Variants in OAS2 observed in about 807,000 individuals in gnomAD.
OAS2 encodes 2'-5'-oligoadenylate synthase 2.
Under a neutral mutation model 71.3 loss-of-function variants are expected in OAS2, and 67 were observed. The ratio of observed to expected loss-of-function variants is 0.94; its 90% confidence interval spans 0.77 to 1.15. OAS2 has a LOEUF of 1.15. Ranked by LOEUF, OAS2 falls within the 50% of genes most tolerant of loss-of-function variation. OAS2 has a pLI of 0.00. For missense variants in OAS2, 789 were observed against 822.5 expected, an observed-to-expected ratio of 0.96 and a Z score of 0.50; for synonymous variants, 327 against 321.8, an observed-to-expected ratio of 1.02 and a Z score of -0.17.
intron 7 of OAS2, among the ~76,000 whole-genome samples, chr12:113,005,537 A>C (rs1179078370): frequency 1.3e-5 from 2 of 151,114 alleles, no homozygotes; most frequent in Non-Finnish European, 2.9e-5. Context: ...ACAGAGTGAG[A>C]CTCCGTCTGA....
rs1565996467 is a variant in OAS2, at chr12:113,003,066, C to G, written c.1143C>G (p.Cys381Trp). 6.2e-7 allele frequency: 1 copy of G among 1,614,164 alleles called. No homozygotes were observed. Among genetic ancestry groups the G allele is most frequent in the Admixed American group, 1.7e-5 (1 of 60,018 alleles). ...NIIRTFLKEN[C>W]FRQSTAKIQI... Reference sequence around the variant, plus strand: ...TCCGTACATTCCTTAAAGAAAACTGCTTCCGACAATCAACAGCCAAGATCC... The same window carrying G: ...TCCGTACATTCCTTAAAGAAAACTGGTTCCGACAATCAACAGCCAAGATCC... The change falls in exon 6 of 10, where the codon TGC (cysteine) becomes TGG (tryptophan). Residue 381 changes from cysteine (C) to tryptophan (W), a missense_variant. By Grantham distance (215) the Cys-to-Trp change is radical. Coordinates refer to ENST00000392583, the MANE Select transcript of OAS2 (RefSeq NM_002535.3).
intron 2 of OAS2, among the ~76,000 whole-genome samples, chr12:112,993,939 CTATT>C (rs2044212961): frequency 7.7e-6 from 1 of 130,310 alleles, no homozygotes; most frequent in Non-Finnish European, 1.6e-5. Flanking sequence ...GTTTTTGTTT[CTATT>C]TGTTTGGTTG....
chr12:112,989,404 T>C (rs1035673765), intron 2 of OAS2, among the ~76,000 whole-genome samples: 6 of 152,178 alleles, frequency 3.9e-5, no homozygotes, highest in African/African-American at 1.2e-4. Context: ...CAATACATTT[T>C]AGGGAGACAT....
At position 113,009,490 on chromosome 12, in the gene OAS2, A is replaced by G. The variant is rs984038671; in HGVS notation, c.*235A>G. 4.9e-6 allele frequency: 6 copies of G among 1,225,952 alleles called. No homozygotes were observed. The highest frequency in any genetic ancestry group is 1.6e-5 in the African/African-American group (1 of 64,190). 75.9% of individuals were successfully genotyped at this position (1,225,952 alleles called of 1,614,324 possible). A position where few individuals can be genotyped will look rare whatever the true frequency, so the allele number is the denominator to read the frequency against. On this transcript the variant is annotated 3_prime_UTR_variant, in exon 10 of 10. Transcript: ENST00000392583. ...TAGTCTCTACCCAGTAGATGCCACT[A>G]GCCCTCCTCTCCCAGTGACAACCAA...
rs1380570287 is a variant in OAS2 at position 113,007,829 on chromosome 12, C to T, written c.1781C>T (p.Thr594Ile). Residue 594 changes from threonine (T) to isoleucine (I), a missense_variant, in exon 9 of 10, where the codon ACA (threonine) becomes ATA (isoleucine). By Grantham distance (89) the Thr-to-Ile change is moderately conservative (BLOSUM62 -1). Coordinates refer to ENST00000392583, the MANE Select transcript of OAS2 (RefSeq NM_002535.3). Reference sequence around the variant, plus strand: ...TTTGACACTGCAGAAGGTTTCCGGACAGTCCTGGAGCTGGTCACACAATAT... The same window carrying T: ...TTTGACACTGCAGAAGGTTTCCGGATAGTCCTGGAGCTGGTCACACAATAT... ...PDFDTAEGFRTVLELVTQYQQ... is the reference protein window; with the variant it reads ...PDFDTAEGFRIVLELVTQYQQ... 1 of 1,614,184 alleles carries T rather than the reference C, an allele frequency of 6.2e-7. No individual in the cohort carries two copies.
In OAS2 at chr12:112,978,600, C is replaced by T. The variant is rs754769030; in HGVS notation, c.-9C>T. On this transcript the variant is annotated 5_prime_UTR_variant, in exon 1 of 10. Transcript: ENST00000392583. The surrounding 1 kb of genome is among the most constrained non-coding windows in gnomAD (Gnocchi z 4.2). ...CATTCACTGTCTTGCCGGCAGCCAG[C>T]TGAGAGCAATGGGAAATGGGGAGTC... is the stretch of plus-strand genomic sequence containing the variant. 9 of 1,613,706 alleles carry T rather than the reference C, an allele frequency of 5.6e-6. No individual in the cohort carries two copies. The African/African-American group carries it at 1.2e-4, about 22-fold the overall frequency.
intron 1 of OAS2, among the ~76,000 whole-genome samples, chr12:112,983,193 C>T (rs1404447221): frequency 6.6e-6 from 1 of 151,840 alleles, no homozygotes; most frequent in Non-Finnish European, 1.5e-5. Flanking sequence ...TTATTTCTTT[C>T]CTTCTACTAA....
In OAS2 at chr12:112,995,272, G is replaced by T. The variant is rs369223300; in HGVS notation, c.449-24G>T. The T allele has an allele frequency of 5.7e-6, 9 of 1,586,566 alleles. No homozygotes were observed. In the South Asian group the frequency reaches 8.0e-5, roughly 14 times the overall value. On this transcript the variant is annotated intron_variant, in intron 2 of 9. Coordinates refer to ENST00000392583, the MANE Select transcript of OAS2 (RefSeq NM_002535.3). ...AAAACCAGGTTACATAAATAACAAC[G>T]TTCCAATTTCTGTTTCACATCAGGC... is the stretch of plus-strand genomic sequence containing the variant.
chr12:112,979,318 A>T (rs1272661923), intron 1 of OAS2, among the ~76,000 whole-genome samples: 3 of 152,026 alleles, frequency 2.0e-5, no homozygotes, highest in African/African-American at 7.3e-5. Context: ...GGGACTGGGG[A>T]GATGCCAGGA....
intron 1 of OAS2, among the ~76,000 whole-genome samples, chr12:112,983,329 G>C: frequency 6.6e-6 from 1 of 152,100 alleles, no homozygotes; most frequent in Non-Finnish European, 1.5e-5. Flanking sequence ...GGGTTCAAGT[G>C]ATTCTCCTGC....
chr12:112,996,864 G>A (rs1002863510), intron 3 of OAS2, among the ~76,000 whole-genome samples: 7 of 152,160 alleles, frequency 4.6e-5, no homozygotes, highest in Middle Eastern at 3.2e-3. Flanking sequence ...TTTCAGATCA[G>A]CAGAAGGGAA....
chr12:112,992,703 G>C (rs1242962715), intron 2 of OAS2, among the ~76,000 whole-genome samples: 1 of 152,160 alleles, frequency 6.6e-6, no homozygotes, highest in Admixed American at 6.5e-5. Context: ...CAGTTTGGGA[G>C]GTTGGCAGTT....
chr12:113,003,137 G>A, intron 6 of OAS2, 35 bp downstream of exon 6: 1 of 1,607,486 alleles, frequency 6.2e-7, no homozygotes, highest in Non-Finnish European at 8.5e-7. Context: ...TTGTTGGAAT[G>A]ATGTAATATT....
Position 112,987,032 on chromosome 12 carries a change from T to G in OAS2, c.178-6T>G, listed in dbSNP as rs752935236. On this transcript the variant is annotated splice_polypyrimidine_tract_variant and splice_region_variant and intron_variant, in intron 1 of 9. Transcript: ENST00000392583. ...TGTCTCATATCTGCTTCTTTGTCAC[T>G]GGCAGGGTGGCTCCTATGGACGGAA... 13 of 1,601,560 alleles carry G rather than the reference T, an allele frequency of 8.1e-6. No homozygotes were observed. Among genetic ancestry groups the G allele is most frequent in the Non-Finnish European group, 1.0e-5 (12 of 1,171,358 alleles).
In OAS2 at chr12:112,978,917, CA is replaced by C. The variant is rs1238771713; in HGVS notation, c.177+133del. Reference sequence around the variant, plus strand: ...TGGGTGGGATGTGGTGTAGGAGTCTCAGGCTCTGGAGCAGGCGCTTGCTCCA... The same window carrying C: ...TGGGTGGGATGTGGTGTAGGAGTCTCGGCTCTGGAGCAGGCGCTTGCTCCA... On this transcript the variant is annotated intron_variant, in intron 1 of 9. Coordinates refer to ENST00000392583, the MANE Select transcript of OAS2 (RefSeq NM_002535.3). This position sits in a 1 kb window ranked among gnomAD's most constrained non-coding sequence, Gnocchi z 4.2. The C allele has an allele frequency of 3.6e-6, 3 of 839,520 alleles. No individual in the cohort carries two copies. The highest frequency in any genetic ancestry group is 5.6e-5 in the East Asian group (2 of 35,828). The allele number at this position is 839,520 out of a possible 1,614,324, so 52.0% of individuals were successfully genotyped here. A position where few individuals can be genotyped will look rare whatever the true frequency, so the allele number is the denominator to read the frequency against.
At chr12:112,999,053 GAA>G (rs954451464) in intron 5 of OAS2, among the ~76,000 whole-genome samples, 46 of 152,336 alleles carry the variant, frequency 3.0e-4, no homozygotes, top group African/African-American at 1.0e-3. Context: ...TTGCAAGAGA[GAA>G]AGCTGGTGAG....
intron 2 of OAS2, among the ~76,000 whole-genome samples, chr12:112,994,425 T>A (rs542447660): frequency 6.6e-6 from 1 of 152,230 alleles, no homozygotes; most frequent in African/African-American, 2.4e-5. Flanking sequence ...TTTATTTTAT[T>A]TTTATTTTTA....
chr12:112,998,160 C>A, intron 4 of OAS2, 106 bp from the exon 5 acceptor site: 2 of 1,263,662 alleles, frequency 1.6e-6, no homozygotes, highest in African/African-American at 1.5e-5. Context: ...CTGCAGGAAT[C>A]CAAATTCAAG....
In OAS2 at chr12:113,010,493, T is replaced by A; in HGVS notation, c.*1238T>A. 6.2e-7 allele frequency: 1 copy of A among 1,611,414 alleles called. No homozygotes were observed. The highest frequency in any genetic ancestry group is 8.5e-7 in the Non-Finnish European group (1 of 1,179,466). ...CTAAAAGAAACTTCTAGAGATCATCTGGCAATCGCTTTTAAAGACTCGGCT... is the reference window on the plus strand; with the variant it reads ...CTAAAAGAAACTTCTAGAGATCATCAGGCAATCGCTTTTAAAGACTCGGCT... On this transcript the variant is annotated 3_prime_UTR_variant, in exon 10 of 10. Transcript: ENST00000392583.
Sources: allele counts gnomAD v4.1 joint callset (sites outside exome capture counted in the v4.1 genomes callset), GRCh38; gene constraint gnomAD v4.1.1; non-coding constraint Gnocchi (gnomAD v3.1); transcripts MANE v1.5; gene names NCBI Gene and HGNC (gene_info 2026-07-23, HGNC 2026-07-21).